The following FOXO4 variants were observed in gnomAD, a reference collection of about 807,000 sequenced individuals.
FOXO4 encodes forkhead box protein O4.
A neutral mutation model predicts 20.8 loss-of-function variants in FOXO4; 3 were observed. That is an observed-to-expected ratio of 0.14 (90% CI 0.07 to 0.37). The LOEUF (loss-of-function observed/expected upper bound fraction) is 0.37. FOXO4 is among the 10% of genes least tolerant of loss of function. FOXO4 has a pLI of 1.00. For synonymous variants in FOXO4, 158 were observed against 180.0 expected, an observed-to-expected ratio of 0.88 and a Z score of 0.98; for missense variants, 309 against 431.9, an observed-to-expected ratio of 0.72 and a Z score of 2.52.
Position 71,095,879 on chromosome X carries a change from C to G in FOXO4, c.-650C>G, listed in dbSNP as rs2092216288. Among the ~76,000 whole-genome samples the G allele has an allele frequency of 1.1e-5, 1 of 87,183 alleles. No homozygotes were observed. Among genetic ancestry groups the G allele is most frequent in the Non-Finnish European group, 2.1e-5 (1 of 47,806 alleles). 75.7% of individuals were successfully genotyped at this position (87,183 alleles called of 115,157 possible). A position where few individuals can be genotyped will look rare whatever the true frequency, so the allele number is the denominator to read the frequency against. ...GATGGCTGCCCCGGCGAGTGGTAAA[C>G]AGAGACGTCAGGAGGGGGCTGCTGC... On this transcript the variant is annotated 5_prime_UTR_variant, in exon 1 of 3. Transcript: ENST00000374259.
At position 71,101,499 on chromosome X, in the gene FOXO4, C is replaced by T. The variant is rs374647950; in HGVS notation, c.1269C>T (p.Gly423=). Residue 423 remains glycine (G), a synonymous_variant, in exon 2 of 3, where the codon GGC becomes GGT. Transcript: ENST00000374259. ...GTCCCAAGCCCCTAGAGGCTCCAGG[C>T]CCCAGCAGTCTGGTTCCCACCCTTT... ...GLCPKPLEAP[G]PSSLVPTLSM... 64 of 1,209,835 alleles carry T rather than the reference C, an allele frequency of 5.3e-5. No individual in the cohort carries two copies. Among genetic ancestry groups the T allele is most frequent in the Non-Finnish European group, 7.0e-5 (63 of 894,983 alleles).
chrX:71,103,431 T>C lies in FOXO4; in HGVS notation c.*1347T>C. On this transcript the variant is annotated 3_prime_UTR_variant, in exon 3 of 3. Transcript: ENST00000374259. The stretch of plus-strand genomic sequence containing the variant: ...CCTGCTGTGGGTTCCCATCATTTCC[T>C]GTGTCAGCGCCTGGCCTACCCAGAT... 6.2e-6 allele frequency: 1 copy of C among 161,857 alleles called. No homozygotes were observed. The highest frequency in any genetic ancestry group is 9.1e-5 in the East Asian group (1 of 10,957). The allele number at this position is 161,857 out of a possible 1,213,427, so 13.3% of individuals were successfully genotyped here.
rs1202613131 is a variant in FOXO4 at position 71,095,939 on chromosome X, G to C, written c.-590G>C. ...AACAAAAGGGAAACCCGGGGGGCGG[G>C]GGGTGGGGGGGGTTGATAGGGGAAT... On this transcript the variant is annotated 5_prime_UTR_variant, in exon 1 of 3. Coordinates refer to ENST00000374259, the MANE Select transcript of FOXO4 (RefSeq NM_005938.4). 1.1e-5 allele frequency among the ~76,000 whole-genome samples: 1 copy of C among 91,306 alleles called. No homozygotes were observed. The highest frequency in any genetic ancestry group is 3.9e-5 in the African/African-American group (1 of 25,556). 79.3% of individuals were successfully genotyped at this position (91,306 alleles called of 115,157 possible). A position where few individuals can be genotyped will look rare whatever the true frequency, so the allele number is the denominator to read the frequency against.
At position 71,101,079 on chromosome X, in the gene FOXO4, G is replaced by A; in HGVS notation, c.849G>A (p.Glu283=). The A allele has an allele frequency of 1.1e-5, 13 of 1,211,728 alleles. No homozygotes were observed. The highest frequency in any genetic ancestry group is 1.5e-5 in the Non-Finnish European group (13 of 895,463). ...PLRPESEVLA[E]EIPASVSSYA... ...GGCCAGAGTCTGAGGTGCTGGCGGAGGAAATACCAGCTTCAGTCAGCAGTT... is the reference window on the plus strand; with the variant it reads ...GGCCAGAGTCTGAGGTGCTGGCGGAAGAAATACCAGCTTCAGTCAGCAGTT... Residue 283 remains glutamate (E), a synonymous_variant, in exon 2 of 3, where the codon GAG becomes GAA. Transcript: ENST00000374259.
Position 71,098,027 on chromosome X carries a change from C to T in FOXO4, c.453+1046C>T, listed in dbSNP as rs752448426. On this transcript the variant is annotated intron_variant, in intron 1 of 2. Transcript: ENST00000374259. ...GGCACTATTTCTGGGTAGACTGCCA[C>T]GCCACAGTCTCAGCTCATAAAAAGC... Among the ~76,000 whole-genome samples, 5 of 111,063 alleles carry T rather than the reference C, an allele frequency of 4.5e-5. No individual in the cohort carries two copies. The South Asian group carries it at 1.1e-3, about 25-fold the overall frequency.
chrX:71,101,658 G>C lies in FOXO4; in HGVS notation c.1428G>C (p.Met476Ile). The C allele has an allele frequency of 8.3e-7, 1 of 1,210,364 alleles. No homozygotes were observed. Among genetic ancestry groups the C allele is most frequent in the Non-Finnish European group, 1.1e-6 (1 of 894,302 alleles). Residue 476 changes from methionine (M) to isoleucine (I), a missense_variant, in exon 2 of 3, where the codon ATG becomes ATC. By Grantham distance (10) the Met-to-Ile change is conservative (BLOSUM62 1). Coordinates refer to ENST00000374259, the MANE Select transcript of FOXO4 (RefSeq NM_005938.4). ...AGGATCTAGATCTTGATATGTATAT[G>C]GAGAACCTGGAGTGTGACATGGATA... ...MPQDLDLDMY[M>I]ENLECDMDNI...
Position 71,101,410 on chromosome X carries a change from C to G in FOXO4, c.1180C>G (p.Pro394Ala). 1 of 1,211,844 alleles carries G rather than the reference C, an allele frequency of 8.3e-7. No individual in the cohort carries two copies. The highest frequency in any genetic ancestry group is 1.8e-5 in the South Asian group (1 of 56,996). Residue 394 changes from proline (P) to alanine (A), a missense_variant, in exon 2 of 3, where the codon CCG (proline) becomes GCG (alanine). By Grantham distance (27) the Pro-to-Ala change is conservative. Coordinates refer to ENST00000374259, the MANE Select transcript of FOXO4 (RefSeq NM_005938.4). ...GGTAGATCCCATTCTGTCCCAGGCT[C>G]CGACTCTTCTGTTGCTGGGGGGGCT... ...TQVDPILSQAPTLLLLGGLPS... is the reference protein window; with the variant it reads ...TQVDPILSQAATLLLLGGLPS...
chrX:71,096,957 C>T lies in FOXO4; in HGVS notation c.429C>T (p.Asp143=). The T allele has an allele frequency of 8.3e-7, 1 of 1,206,073 alleles. No homozygotes were observed. Among genetic ancestry groups the T allele is most frequent in the Non-Finnish European group, 1.1e-6 (1 of 891,733 alleles). ...TACCCTACTTCAAGGACAAGGGTGA[C>T]AGCAACAGCTCAGCAGGATGGAAGG... is the stretch of plus-strand genomic sequence containing the variant. ...RTVPYFKDKG[D]SNSSAGWKNS... The change falls in exon 1 of 3, where the codon GAC becomes GAT. Residue 143 remains aspartate, a synonymous_variant. Transcript: ENST00000374259.
chrX:71,099,610 A>G (rs1271537066), intron 1 of FOXO4, among the ~76,000 whole-genome samples: 1 of 111,986 alleles, frequency 8.9e-6, no homozygotes, highest in African/African-American at 3.3e-5. Flanking sequence ...ACCATAAGCC[A>G]CACAATATAA....
In FOXO4 at chrX:71,101,234, C is replaced by G; in HGVS notation, c.1004C>G (p.Thr335Ser). The G allele has an allele frequency of 8.3e-7, 1 of 1,211,540 alleles. No individual in the cohort carries two copies. The highest frequency in any genetic ancestry group is 1.8e-5 in the South Asian group (1 of 56,967). Residue 335 changes from threonine (T) to serine (S), a missense_variant, in exon 2 of 3, where the codon ACC becomes AGC. Coordinates refer to ENST00000374259, the MANE Select transcript of FOXO4 (RefSeq NM_005938.4). ...SGFSLQHPGVTGPLHTYSSSL... is the reference protein window; with the variant it reads ...SGFSLQHPGVSGPLHTYSSSL... ...TTCTCTTTGCAGCATCCTGGGGTTA[C>G]CGGCCCCTTACACACCTACAGCAGC... is the stretch of plus-strand genomic sequence containing the variant.
chrX:71,097,350 T>A (rs1047040602), intron 1 of FOXO4, among the ~76,000 whole-genome samples: 5 of 109,253 alleles, frequency 4.6e-5, no homozygotes, highest in Non-Finnish European at 5.7e-5. Context: ...CACATGAACC[T>A]ACCCTTCCCT....
At chrX:71,097,009 C>G (rs374774363) in intron 1 of FOXO4, 28 bp downstream of exon 1, 226 of 1,142,665 alleles carry the variant, frequency 2.0e-4, no homozygotes, top group Middle Eastern at 4.8e-4. Flanking sequence ...ACCTTCTTCC[C>G]AACACCATCT....
chrX:71,097,763 A>G (rs1246045396), intron 1 of FOXO4, among the ~76,000 whole-genome samples: 1 of 111,828 alleles, frequency 8.9e-6, no homozygotes, highest in Non-Finnish European at 1.9e-5. Context: ...AGAATATCTC[A>G]AAGGATACTC....
At position 71,101,820 on chromosome X, in the gene FOXO4, G is replaced by A. The variant is rs746957929; in HGVS notation, c.1510+80G>A. The A allele has an allele frequency of 4.4e-5, 38 of 867,390 alleles. No homozygotes were observed. The South Asian group carries it at 5.4e-4, about 12-fold the overall frequency. The allele number at this position is 867,390 out of a possible 1,213,427, so 71.5% of individuals were successfully genotyped here. A position where few individuals can be genotyped will look rare whatever the true frequency, so the allele number is the denominator to read the frequency against. ...GCCCAGCTAGTCCCATGATCTGGGC[G>A]AAGGGGAGATTTAGGACAAGTGGTA... is the stretch of plus-strand genomic sequence containing the variant. On this transcript the variant is annotated intron_variant, in intron 2 of 2. Coordinates refer to ENST00000374259, the MANE Select transcript of FOXO4 (RefSeq NM_005938.4).
Position 71,096,501 on chromosome X carries a change from G to T in FOXO4, c.-28G>T. On this transcript the variant is annotated 5_prime_UTR_variant, in exon 1 of 3. Transcript: ENST00000374259. ...GGGACTGTGGCAGGCTTCACTGAACGCTGAGCCGGGGAGGTCCAACTCCAC... is the reference window on the plus strand; with the variant it reads ...GGGACTGTGGCAGGCTTCACTGAACTCTGAGCCGGGGAGGTCCAACTCCAC... 1 of 1,170,992 alleles carries T rather than the reference G, an allele frequency of 8.5e-7. No homozygotes were observed. Among genetic ancestry groups the T allele is most frequent in the East Asian group, 3.1e-5 (1 of 32,686 alleles).
At chrX:71,099,169 G>A (rs1435750664) in intron 1 of FOXO4, 1 of 111,199 alleles carries the variant, frequency 9.0e-6, no homozygotes, top group Admixed American at 9.6e-5. Context: ...AGGAGGTAGG[G>A]AAAAGAAGGC....
chrX:71,096,345 G>C lies in FOXO4; in HGVS notation c.-184G>C. On this transcript the variant is annotated 5_prime_UTR_variant, in exon 1 of 3. Coordinates refer to ENST00000374259, the MANE Select transcript of FOXO4 (RefSeq NM_005938.4). Reference sequence around the variant, plus strand: ...ACAGGCTGTAGTCGGGAAGGGGATCGGAGAACTGTGTGAAGGGACAGCTTA... The same window carrying C: ...ACAGGCTGTAGTCGGGAAGGGGATCCGAGAACTGTGTGAAGGGACAGCTTA... 2.2e-6 allele frequency: 1 copy of C among 454,032 alleles called. No individual in the cohort carries two copies. 37.4% of individuals were successfully genotyped at this position (454,032 alleles called of 1,213,427 possible). A position where few individuals can be genotyped will look rare whatever the true frequency, so the allele number is the denominator to read the frequency against.
intron 1 of FOXO4, chrX:71,099,202 CA>C (rs1259592016): frequency 9.0e-6 from 1 of 111,002 alleles, no homozygotes; most frequent in African/African-American, 3.3e-5. Flanking sequence ...GGGGGGTGGC[CA>C]GGGGAGGGCC....
At position 71,096,763 on chromosome X, in the gene FOXO4, G is replaced by A. The variant is rs773653329; in HGVS notation, c.235G>A (p.Gly79Ser). ...LPSRLPEPAGGPQPGILGAVT... is the reference protein window; with the variant it reads ...LPSRLPEPAGSPQPGILGAVT... ...CTCTCGGCTCCCAGAGCCGGCCGGG[G>A]GCCCCCAGCCCGGAATCCTGGGGGC... Residue 79 changes from glycine (G) to serine (S), a missense_variant, in exon 1 of 3, where the codon GGC becomes AGC. Gly to Ser is a moderately conservative substitution (Grantham distance 56, BLOSUM62 0). Coordinates refer to ENST00000374259, the MANE Select transcript of FOXO4 (RefSeq NM_005938.4). 3.3e-6 allele frequency: 4 copies of A among 1,199,365 alleles called. No homozygotes were observed. The Admixed American group carries it at 6.7e-5, about 20-fold the overall frequency.
Sources: allele counts gnomAD v4.1 joint callset (sites outside exome capture counted in the v4.1 genomes callset), GRCh38; gene constraint gnomAD v4.1.1; transcripts MANE v1.5; gene names NCBI Gene and HGNC (gene_info 2026-07-23, HGNC 2026-07-21).